SAMD4B: variants seen among roughly 807,000 people sequenced by gnomAD.
The protein encoded by SAMD4B is protein Smaug homolog 2.
Under a neutral mutation model 74.5 loss-of-function variants are expected in SAMD4B, and 5 were observed. That is an observed-to-expected ratio of 0.07 (90% CI 0.04 to 0.14). The LOEUF (loss-of-function observed/expected upper bound fraction) is 0.14, where lower values mean the gene tolerates loss of function less well. Among genes scored for constraint, SAMD4B ranks in the 10% least tolerant of loss-of-function variants. The pLI is 1.00. For missense variants in SAMD4B, 608 were observed against 921.8 expected (o/e 0.66, Z 4.41); for synonymous variants, 373 against 374.9 (o/e 1.00, Z 0.06).
chr19:39,345,356 T>C (rs2075633092), intron 1 of SAMD4B, among the ~76,000 whole-genome samples: 1 of 152,210 alleles, frequency 6.6e-6, no homozygotes, highest in Non-Finnish European at 1.5e-5. Context: ...CTCTGAGCAG[T>C]TATTTCCGAT....
At chr19:39,388,940 GC>G, downstream of SAMD4B, 1 of 1,613,904 alleles carries the variant, frequency 6.2e-7, no homozygotes, top group South Asian at 1.1e-5. Flanking sequence ...CCCACCTTGG[GC>G]CTGACCTTAA....
chr19:39,389,584 G>A (rs771799749), downstream of SAMD4B: 16 of 1,614,006 alleles, frequency 9.9e-6, no homozygotes, highest in African/African-American at 2.1e-4. This position sits in a 1 kb window ranked among gnomAD's most constrained non-coding sequence, Gnocchi z 5.3. Flanking sequence ...CATGAGGGAG[G>A]CCCAGGCCTG....
chr19:39,389,556 A>G (rs750556137), downstream of SAMD4B: 1 of 1,614,058 alleles, frequency 6.2e-7, no homozygotes, highest in Non-Finnish European at 8.5e-7. The surrounding 1 kb of genome is among the most constrained non-coding windows in gnomAD (Gnocchi z 5.3). Flanking sequence ...ACTAGAGGAG[A>G]GCGGGGGGCA....
intron 12 of SAMD4B, among the ~76,000 whole-genome samples, chr19:39,381,790 G>C (rs2078003053): frequency 6.6e-6 from 1 of 152,108 alleles, no homozygotes; most frequent in Admixed American, 6.5e-5. Context: ...AAATTATCTG[G>C]GCATGGTGGC....
At chr19:39,359,064 C>G (rs2076500432) in intron 3 of SAMD4B, among the ~76,000 whole-genome samples, 1 of 152,208 alleles carries the variant, frequency 6.6e-6, no homozygotes, top group African/African-American at 2.4e-5. Flanking sequence ...CCCAGCTCAG[C>G]TGCAGCAGGC....
intron 4 of SAMD4B, among the ~76,000 whole-genome samples, chr19:39,371,942 C>G (rs2077331056): frequency 6.6e-6 from 1 of 152,100 alleles, no homozygotes; most frequent in African/African-American, 2.4e-5. Flanking sequence ...ATACTCTGAA[C>G]TACTATGCTA....
At chr19:39,390,690 A>G, downstream of SAMD4B, 2 of 999,020 alleles carry the variant, frequency 2.0e-6, no homozygotes, top group South Asian at 1.5e-5. Context: ...CTCAGAAGGA[A>G]CCCGCCCCCT....
Position 39,377,502 on chromosome 19 carries a change from G to C in SAMD4B, c.1122G>C (p.Gly374=), listed in dbSNP as rs759683452. ...CCATCCAGGATGTGCTGGAAGGCGG[G>C]AACCTACGAAACGCTCTGCAGGAGC... ...KSLEKDVLEG[G]NLRNALQELQ... Residue 374 remains glycine, a synonymous_variant, in exon 8 of 14, where the codon GGG becomes GGC. Transcript: ENST00000610417. 5.7e-6 allele frequency: 9 copies of C among 1,572,752 alleles called. No individual in the cohort carries two copies. Among genetic ancestry groups the C allele is most frequent in the Non-Finnish European group, 7.8e-6 (9 of 1,153,686 alleles).
intron 3 of SAMD4B, among the ~76,000 whole-genome samples, chr19:39,365,081 T>C (rs1431727034): frequency 6.8e-6 from 1 of 147,762 alleles, no homozygotes; most frequent in Non-Finnish European, 1.5e-5. Flanking sequence ...CTACTAAAAA[T>C]ACAAAAAAAA....
rs769283919 is a variant in SAMD4B at position 39,377,590 on chromosome 19, G to A, written c.1210G>A (p.Ala404Thr). ...TGTCCTCCAGGCCACCGTGGCTGCCGCCACCACCACCCCTACTGCCAAGGA... is the reference window on the plus strand; with the variant it reads ...TGTCCTCCAGGCCACCGTGGCTGCCACCACCACCACCCCTACTGCCAAGGA... The part of the protein sequence containing the change: ...YSVLQATVAA[A>T]TTTPTAKDGA... The change falls in exon 8 of 14, where the codon GCC becomes ACC. Residue 404 changes from alanine (A) to threonine (T), a missense_variant. Coordinates refer to ENST00000610417, the MANE Select transcript of SAMD4B (RefSeq NM_001384574.2). 5.6e-6 allele frequency: 9 copies of A among 1,613,892 alleles called. No homozygotes were observed. In the South Asian group the frequency reaches 6.6e-5, roughly 12 times the overall value.
chr19:39,356,762 GCCA>G lies in SAMD4B; in HGVS notation c.-127_-125del, dbSNP rs1484254540. On this transcript the variant is annotated 5_prime_UTR_variant, in exon 3 of 14. Coordinates refer to ENST00000610417, the MANE Select transcript of SAMD4B (RefSeq NM_001384574.2). ...GCTTCCTCCTCCCCCAACAACCGTT[GCCA>G]CCACGCCCAGAAACGTCCTTAAGCC... The G allele has an allele frequency of 1.7e-5, 12 of 696,708 alleles. No individual in the cohort carries two copies. Among genetic ancestry groups the G allele is most frequent in the Non-Finnish European group, 2.8e-5 (12 of 428,844 alleles). 43.2% of individuals were successfully genotyped at this position (696,708 alleles called of 1,614,324 possible). A position where few individuals can be genotyped will look rare whatever the true frequency, so the allele number is the denominator to read the frequency against.
At chr19:39,377,906 G>A (rs2077701536) in intron 8 of SAMD4B, 82 bp downstream of exon 8, 16 of 1,331,010 alleles carry the variant, frequency 1.2e-5, no homozygotes, top group East Asian at 2.3e-5. Context: ...ATCCAAGTTC[G>A]ATGGTGGGAG....
At chr19:39,382,530 TG>T (rs1381724481) in intron 12 of SAMD4B, among the ~76,000 whole-genome samples, 1 of 152,090 alleles carries the variant, frequency 6.6e-6, no homozygotes, top group African/African-American at 2.4e-5. Context: ...AGGGTGGAGA[TG>T]GGAGCTGGGT....
chr19:39,389,356 T>C, downstream of SAMD4B: 2 of 1,614,184 alleles, frequency 1.2e-6, no homozygotes, highest in Non-Finnish European at 1.7e-6. This position sits in a 1 kb window ranked among gnomAD's most constrained non-coding sequence, Gnocchi z 5.3. Flanking sequence ...TTCGCATCCA[T>C]GGCACCACCT....
At position 39,383,512 on chromosome 19, in the gene SAMD4B, A is replaced by G. The variant is rs1333075575; in HGVS notation, c.2070A>G (p.Lys690=). 6.2e-7 allele frequency: 1 copy of G among 1,613,914 alleles called. No homozygotes were observed. Among genetic ancestry groups the G allele is most frequent in the Non-Finnish European group, 8.5e-7 (1 of 1,179,994 alleles). Residue 690 remains lysine (K), a synonymous_variant, in exon 14 of 14, where the codon AAA becomes AAG. Transcript: ENST00000610417. This position sits in a 1 kb window ranked among gnomAD's most constrained non-coding sequence, Gnocchi z 4.1. ...TTCTTACCACAGATGGGACAGACAA[A>G]ACCTCCACCATCTGACGGGACCCAC... ...TEHALGDGTD[K]TSTI
At position 39,375,011 on chromosome 19, in the gene SAMD4B, A is replaced by G. The variant is rs1254324232; in HGVS notation, c.668-639A>G. 4.5e-4 allele frequency among the ~76,000 whole-genome samples: 69 copies of G among 152,160 alleles called. No homozygotes were observed. The highest frequency in any genetic ancestry group is 1.5e-4 in the Non-Finnish European group (10 of 68,026). Reference sequence around the variant, plus strand: ...CAGGGTAGGCCTCAGAGGAGGCGACACTTGAGATGAGACTTGAGGGAGCCA... The same window carrying G: ...CAGGGTAGGCCTCAGAGGAGGCGACGCTTGAGATGAGACTTGAGGGAGCCA... On this transcript the variant is annotated intron_variant, in intron 4 of 13. Coordinates refer to ENST00000610417, the MANE Select transcript of SAMD4B (RefSeq NM_001384574.2). The surrounding 1 kb of genome is among the most constrained non-coding windows in gnomAD (Gnocchi z 4.1).
At chr19:39,346,602 CATT>C (rs2145193056) in intron 1 of SAMD4B, among the ~76,000 whole-genome samples, 1 of 152,234 alleles carries the variant, frequency 6.6e-6, no homozygotes, top group South Asian at 2.1e-4. Context: ...AGTAAACTAC[CATT>C]ATCCTCATTT....
chr19:39,364,171 C>T (rs1211474324), intron 3 of SAMD4B, among the ~76,000 whole-genome samples: 1 of 152,370 alleles, frequency 6.6e-6, no homozygotes, highest in East Asian at 1.9e-4. Context: ...TGGGGCTGTT[C>T]TGTCATGTCC....
chr19:39,354,654 G>A (rs2145367670), intron 2 of SAMD4B, among the ~76,000 whole-genome samples: 1 of 152,278 alleles, frequency 6.6e-6, no homozygotes, highest in South Asian at 2.1e-4. Flanking sequence ...ATGAAATAGT[G>A]TTAATATAAT....
Sources: gnomAD v4.1 joint callset for allele counts (sites outside exome capture counted in the v4.1 genomes callset) on GRCh38, gnomAD v4.1.1 for gene constraint, Gnocchi (gnomAD v3.1) non-coding constraint, MANE v1.5 for transcripts, NCBI Gene and HGNC (gene_info 2026-07-23, HGNC 2026-07-21) for gene names.